The following SETD2 variants were observed in gnomAD, a reference collection of about 807,000 sequenced individuals.
SETD2 encodes the protein histone-lysine N-methyltransferase SETD2.
Under a neutral mutation model 242.1 loss-of-function variants are expected in SETD2, and 31 were observed. That is an observed-to-expected ratio of 0.13 (90% CI 0.10 to 0.17). The LOEUF (loss-of-function observed/expected upper bound fraction) is 0.17. Among genes scored for constraint, SETD2 ranks in the 10% least tolerant of loss-of-function variants. The pLI is 1.00. For missense variants in SETD2, 2,481 were observed against 3,046.3 expected (o/e 0.81, Z 4.37); for synonymous variants, 1,006 against 1,066.5 (o/e 0.94, Z 1.11).
In SETD2 at chr3:47,121,526, T is replaced by A. The variant is rs2106653058; in HGVS notation, c.3110A>T (p.Asp1037Val). Residue 1037 changes from aspartate (D) to valine (V), a missense_variant, in exon 3 of 21, where the codon GAT becomes GTT. Asp to Val is a radical substitution (Grantham distance 152). This residue lies in a region of SETD2 where 1,300 missense variants were observed against 1,259.2 expected (regional missense o/e 1.03). Coordinates refer to ENST00000409792, the MANE Select transcript of SETD2 (RefSeq NM_014159.7). ...TGAACTTTCAGAAGAGCCAGAATAA[T>A]CTTCATGAACTGTAGACACAATTTC... ...APEIVSTVHE[D>V]YSGSSESSND... 6.2e-7 allele frequency: 1 copy of A among 1,614,140 alleles called. No individual in the cohort carries two copies. Among genetic ancestry groups the A allele is most frequent in the Non-Finnish European group, 8.5e-7 (1 of 1,180,030 alleles).
chr3:47,145,422 G>T, intron 1 of SETD2: 1 of 304,976 alleles, frequency 3.3e-6, no homozygotes, highest in Admixed American at 3.3e-5. Context: ...ACGGGGTCTT[G>T]CTTTGTTGCC....
At chr3:47,074,685 C>G (rs768961258) in intron 12 of SETD2, among the ~76,000 whole-genome samples, 1 of 152,056 alleles carries the variant, frequency 6.6e-6, no homozygotes, top group Non-Finnish European at 1.5e-5. Context: ...CTTTTTGAAC[C>G]ACAGTTCATT....
intron 1 of SETD2, among the ~76,000 whole-genome samples, chr3:47,155,977 C>CGGTA (rs1164649172): frequency 6.6e-6 from 1 of 151,952 alleles, no homozygotes; most frequent in Non-Finnish European, 1.5e-5. Flanking sequence ...AAGTACTCTA[C>CGGTA]GGTACTCTTG....
At chr3:47,156,909 G>A (rs2044138640) in intron 1 of SETD2, among the ~76,000 whole-genome samples, 1 of 152,110 alleles carries the variant, frequency 6.6e-6, no homozygotes, top group African/African-American at 2.4e-5. Flanking sequence ...ACTTTGGGAG[G>A]CCAAGGACAG....
At position 47,092,593 on chromosome 3, in the gene SETD2, A is replaced by T. The variant is rs536050597; in HGVS notation, c.5143-4346T>A. On this transcript the variant is annotated intron_variant, in intron 9 of 20. Transcript: ENST00000409792. ...TATATATAGTGCATATATATGCACA[A>T]TTCTATAGTACTTGAAAATGTATTA... Among the ~76,000 whole-genome samples the T allele has an allele frequency of 9.6e-4, 145 of 150,878 alleles. 4 individuals are homozygous for T. The South Asian group carries it at 0.03, about 31-fold the overall frequency.
chr3:47,052,685 G>T (rs566387362), intron 15 of SETD2, among the ~76,000 whole-genome samples: 1 of 152,000 alleles, frequency 6.6e-6, no homozygotes, highest in East Asian at 2.0e-4. Flanking sequence ...AGGAATGGTG[G>T]TGCACACCTG....
chr3:47,133,231 A>G (rs1056540936), intron 1 of SETD2, among the ~76,000 whole-genome samples: 6 of 152,154 alleles, frequency 3.9e-5, no homozygotes, highest in Admixed American at 3.9e-4. Flanking sequence ...TTTAATACAT[A>G]TTTTTTGTAG....
At chr3:47,112,904 T>C (rs1446744470) in intron 5 of SETD2, among the ~76,000 whole-genome samples, 1 of 152,196 alleles carries the variant, frequency 6.6e-6, no homozygotes, top group Admixed American at 6.5e-5. Flanking sequence ...ATACTTTAAA[T>C]ATGCTATATA....
At chr3:47,147,705 C>T (rs1490866822) in intron 1 of SETD2, among the ~76,000 whole-genome samples, 4 of 151,468 alleles carry the variant, frequency 2.6e-5, no homozygotes, top group Non-Finnish European at 5.9e-5. Flanking sequence ...GGGCAGATTA[C>T]GGTCAGGAGA....
rs148387920 is a variant in SETD2 at position 47,118,924 on chromosome 3, C to G, written c.4454+1258G>C. ...AAATATTGAATATTTTAAATGTAAA[C>G]TTAATTTATAACTAGATATAAATGA... On this transcript the variant is annotated intron_variant, in intron 3 of 20. Coordinates refer to ENST00000409792, the MANE Select transcript of SETD2 (RefSeq NM_014159.7). 1.7e-3 allele frequency among the ~76,000 whole-genome samples: 253 copies of G among 152,072 alleles called. 2 individuals are homozygous for G. Among genetic ancestry groups the G allele is most frequent in the African/African-American group, 5.4e-3 (225 of 41,468 alleles).
chr3:47,058,422 CAG>C (rs2040169698), intron 14 of SETD2, among the ~76,000 whole-genome samples: 1 of 101,902 alleles, frequency 9.8e-6, no homozygotes, highest in African/African-American at 4.2e-5. Context: ...GCCTGGGCAA[CAG>C]GGCAAGACAC....
intron 12 of SETD2, among the ~76,000 whole-genome samples, chr3:47,081,367 C>T (rs766166943): frequency 8.5e-5 from 13 of 152,194 alleles, no homozygotes; most frequent in Non-Finnish European, 1.9e-4. Context: ...ACCACATAAC[C>T]ACAATCTTAG....
intron 6 of SETD2, 199 bp downstream of exon 6, chr3:47,105,798 G>A (rs1259159050): frequency 2.0e-6 from 1 of 512,678 alleles, no homozygotes; most frequent in Non-Finnish European, 3.5e-6. Context: ...AGCTACTCAG[G>A]AAGCTGAGGC....
At chr3:47,104,562 A>T (rs536411248) in intron 6 of SETD2, among the ~76,000 whole-genome samples, 1 of 152,118 alleles carries the variant, frequency 6.6e-6, no homozygotes, top group Non-Finnish European at 1.5e-5. Flanking sequence ...GTTATTTTTC[A>T]TAATACCATG....
rs10672755 is a variant in SETD2 at position 47,111,079 on chromosome 3, TAAAAAAAAAAAAAA to T, written c.4715+2783_4715+2796del. Among the ~76,000 whole-genome samples, 19 of 78,800 alleles carry T rather than the reference TAAAAAAAAAAAAAA, an allele frequency of 2.4e-4. No individual in the cohort carries two copies. In the East Asian group the frequency reaches 3.2e-3, roughly 13 times the overall value. The allele number at this position is 78,800 out of a possible 152,430, so 51.7% of individuals were successfully genotyped here. A position where few individuals can be genotyped will look rare whatever the true frequency, so the allele number is the denominator to read the frequency against. On this transcript the variant is annotated intron_variant, in intron 5 of 20. Coordinates refer to ENST00000409792, the MANE Select transcript of SETD2 (RefSeq NM_014159.7). The stretch of plus-strand genomic sequence containing the variant: ...GCTTGTGTCCAAACTGTGGTTCCTT[TAAAAAAAAAAAAAA>T]AAAAAAAAAAAAAAAAAATCTCAAG...
chr3:47,059,108 CTTTTTTTTT>C (rs111615859), intron 14 of SETD2, among the ~76,000 whole-genome samples: 4 of 104,552 alleles, frequency 3.8e-5, no homozygotes, highest in African/African-American at 7.8e-5. Context: ...CACGCCTGGC[CTTTTTTTTT>C]TTTTTTTTTT....
intron 5 of SETD2, among the ~76,000 whole-genome samples, chr3:47,111,223 T>C (rs1375273422): frequency 1.3e-5 from 2 of 152,118 alleles, no homozygotes; most frequent in South Asian, 2.1e-4. Flanking sequence ...TTGAGAGGTA[T>C]TGAGTTCTGT....
At chr3:47,100,107 T>G (rs553130454) in intron 8 of SETD2, among the ~76,000 whole-genome samples, 1 of 151,734 alleles carries the variant, frequency 6.6e-6, no homozygotes, top group Non-Finnish European at 1.5e-5. Context: ...CCCACCTGGC[T>G]ATTTTTTGTA....
intron 12 of SETD2, among the ~76,000 whole-genome samples, chr3:47,074,652 G>C (rs149707529): frequency 3.3e-5 from 5 of 152,108 alleles, no homozygotes; most frequent in African/African-American, 1.2e-4. Context: ...GAGCCCTCCT[G>C]ATACCCAAAT....
Sources: gnomAD v4.1 joint callset for allele counts (sites outside exome capture counted in the v4.1 genomes callset) on GRCh38, gnomAD v4.1.1 for gene constraint, gnomAD v4.1.1 regional missense constraint, MANE v1.5 for transcripts, NCBI Gene and HGNC (gene_info 2026-07-23, HGNC 2026-07-21) for gene names.